The following ATXN7 variants were observed in gnomAD, a reference collection of about 807,000 sequenced individuals.
The protein encoded by ATXN7 is ataxin 7, also known as ataxin-7.
A neutral mutation model predicts 70.5 loss-of-function variants in ATXN7; 12 were observed. The ratio of observed to expected loss-of-function variants is 0.17; its 90% CI spans 0.11 to 0.28. The LOEUF is 0.28. Ranked by LOEUF, ATXN7 falls within the 10% of genes least tolerant of loss-of-function variation. ATXN7 has a pLI of 1.00. For missense variants in ATXN7, 1,256 were observed against 1,131.7 expected (o/e 1.11, Z -1.58); for synonymous variants, 498 against 448.7 (o/e 1.11, Z -1.39).
chr3:63,968,990 A>T (rs2106716600), intron 5 of ATXN7, among the ~76,000 whole-genome samples: 1 of 152,300 alleles, frequency 6.6e-6, no homozygotes, highest in African/African-American at 2.4e-5. Flanking sequence ...ATTTTTCTGA[A>T]AACTCTTGTC....
intron 8 of ATXN7, among the ~76,000 whole-genome samples, chr3:63,984,608 C>CT (rs1338017165): frequency 6.6e-6 from 1 of 152,194 alleles, no homozygotes; most frequent in Non-Finnish European, 1.5e-5. Flanking sequence ...ATGAGGTTTG[C>CT]TTTTTTCAAA....
intron 5 of ATXN7, among the ~76,000 whole-genome samples, chr3:63,958,683 T>C (rs72885706): frequency 0.024 from 3,651 of 152,310 alleles, 146 homozygotes; most frequent in African/African-American, 0.082. Context: ...CTCTTAAGTA[T>C]GCTAAATTTA....
At chr3:63,968,227 A>T in intron 5 of ATXN7, 1 of 433,158 alleles carries the variant, frequency 2.3e-6, no homozygotes, top group Non-Finnish European at 4.2e-6. Context: ...TCGCAGCCAC[A>T]GGGATTAGCT....
intron 1 of ATXN7, among the ~76,000 whole-genome samples, chr3:63,865,574 T>G (rs1334323939): frequency 1.3e-5 from 2 of 152,040 alleles, no homozygotes; most frequent in Non-Finnish European, 2.9e-5. Context: ...AAGTTGCATT[T>G]TGGTGGGGAT....
intron 5 of ATXN7, among the ~76,000 whole-genome samples, chr3:63,958,802 C>G (rs1297302455): frequency 6.6e-6 from 1 of 152,100 alleles, no homozygotes; most frequent in African/African-American, 2.4e-5. Context: ...AGATTTTATG[C>G]TTAGTTTACA....
At chr3:63,965,144 T>C (rs966359810) in intron 5 of ATXN7, among the ~76,000 whole-genome samples, 3 of 152,188 alleles carry the variant, frequency 2.0e-5, no homozygotes, top group African/African-American at 7.2e-5. Context: ...ACCTCAGTTT[T>C]TCTGTTTCTG....
chr3:63,960,604 G>A (rs917826213), intron 5 of ATXN7, among the ~76,000 whole-genome samples: 3 of 152,140 alleles, frequency 2.0e-5, no homozygotes, highest in Admixed American at 6.5e-5. Context: ...AAGCCAGCAG[G>A]GCTTGCTGAT....
rs1423344106 is a variant in ATXN7, at chr3:63,874,987, C to A, written c.-111+10829C>A. Reference sequence around the variant, plus strand: ...GGTGTCACATGGTGGAAGGGGCAAACAAGCTCCTGGACCTCTTTCGTAATG... The same window carrying A: ...GGTGTCACATGGTGGAAGGGGCAAAAAAGCTCCTGGACCTCTTTCGTAATG... On this transcript the variant is annotated intron_variant, in intron 1 of 12. Coordinates refer to ENST00000674280, the MANE Select transcript of ATXN7 (RefSeq NM_001377405.1). Among the ~76,000 whole-genome samples the A allele has an allele frequency of 2.2e-4, 34 of 152,186 alleles. 2 individuals carry two copies. Among genetic ancestry groups the A allele is most frequent in the Admixed American group, 2.2e-3 (34 of 15,290 alleles).
intron 5 of ATXN7, among the ~76,000 whole-genome samples, chr3:63,976,909 C>A (rs2106742591): frequency 6.6e-6 from 1 of 152,236 alleles, no homozygotes; most frequent in Non-Finnish European, 1.5e-5. Flanking sequence ...TAAAAAAATA[C>A]ATAAATACTA....
chr3:63,952,455 C>A lies in ATXN7; in HGVS notation c.471C>A (p.Val157=). The A allele has an allele frequency of 6.2e-7, 1 of 1,611,796 alleles. No homozygotes were observed. The highest frequency in any genetic ancestry group is 1.1e-5 in the South Asian group (1 of 90,728). ...TGTGTAACGACTGTAATCAGGTTGT[C>A]AAACCGCAGGCATTTCAATCACATT... The part of the protein sequence containing the change: ...LVVCNDCNQV[V]KPQAFQSHYE... The change falls in exon 5 of 13, where the codon GTC becomes GTA. Residue 157 remains valine (V), a synonymous_variant. Coordinates refer to ENST00000674280, the MANE Select transcript of ATXN7 (RefSeq NM_001377405.1).
intron 8 of ATXN7, 53 bp downstream of exon 8, chr3:63,983,074 G>T: frequency 2.2e-6 from 3 of 1,377,962 alleles, no homozygotes; most frequent in Admixed American, 1.7e-5. Context: ...ATGGGTGACT[G>T]GGATGTACCA....
At chr3:63,978,947 G>GTAT (rs1356973143) in intron 5 of ATXN7, among the ~76,000 whole-genome samples, 43 of 152,282 alleles carry the variant, frequency 2.8e-4, no homozygotes, top group African/African-American at 1.0e-3. Context: ...ATTGTGATAA[G>GTAT]GCAGTGTTGG....
intron 5 of ATXN7, among the ~76,000 whole-genome samples, chr3:63,955,263 TGAGAGAG>T (rs2106670242): frequency 6.6e-6 from 1 of 152,148 alleles, no homozygotes; most frequent in African/African-American, 2.4e-5. Context: ...ATTAAAGATA[TGAGAGAG>T]GAGAGTTCCT....
chr3:63,927,894 G>A (rs146238056), intron 4 of ATXN7, among the ~76,000 whole-genome samples: 43 of 152,176 alleles, frequency 2.8e-4, no homozygotes, highest in Non-Finnish European at 5.3e-4. Flanking sequence ...TGGCAGCTGC[G>A]ATGGCTATTT....
intron 11 of ATXN7, among the ~76,000 whole-genome samples, chr3:63,991,568 G>C (rs944490057): frequency 6.6e-6 from 1 of 152,058 alleles, no homozygotes; most frequent in African/African-American, 2.4e-5. Flanking sequence ...TCAAGGTCTT[G>C]AGTCAGAAAA....
chr3:63,965,787 T>G (rs1228451576), intron 5 of ATXN7, among the ~76,000 whole-genome samples: 1 of 152,246 alleles, frequency 6.6e-6, no homozygotes, highest in East Asian at 1.9e-4. Context: ...GCTTAAACAT[T>G]TTATTCAGGG....
intron 8 of ATXN7, among the ~76,000 whole-genome samples, chr3:63,985,494 TG>T: frequency 6.6e-6 from 1 of 152,232 alleles, no homozygotes. Flanking sequence ...TCCTTTTCCT[TG>T]CCTTCACGTT....
intron 1 of ATXN7, among the ~76,000 whole-genome samples, chr3:63,883,683 G>A (rs1702988622): frequency 2.0e-5 from 3 of 152,054 alleles, no homozygotes; most frequent in African/African-American, 4.8e-5. Context: ...GTATTTCAAA[G>A]CCAGATCTGA....
At chr3:63,926,242 G>A (rs1260152126) in intron 4 of ATXN7, among the ~76,000 whole-genome samples, 1 of 152,130 alleles carries the variant, frequency 6.6e-6, no homozygotes, top group Non-Finnish European at 1.5e-5. Context: ...GCCCTCTAAA[G>A]GTTTATTTTA....
Sources: gnomAD v4.1 joint callset for allele counts (sites outside exome capture counted in the v4.1 genomes callset) on GRCh38, gnomAD v4.1.1 for gene constraint, MANE v1.5 for transcripts, NCBI Gene and HGNC (gene_info 2026-07-23, HGNC 2026-07-21) for gene names.